The following DIAPH2 variants were observed in gnomAD, a reference collection of about 807,000 sequenced individuals.
DIAPH2 encodes the protein protein diaphanous homolog 2.
Under a neutral mutation model 92.7 loss-of-function variants are expected in DIAPH2, and 35 were observed. The ratio of observed to expected loss-of-function variants is 0.38; its 90% CI spans 0.29 to 0.50. DIAPH2 has a LOEUF of 0.50. Among genes scored for constraint, DIAPH2 ranks in the 20% least tolerant of loss-of-function variants. The pLI is 0.94. For synonymous variants in DIAPH2, 301 were observed against 280.4 expected (o/e 1.07, Z -0.73); for missense variants, 701 against 819.5 (o/e 0.86, Z 1.77).
intron 19 of DIAPH2, among the ~76,000 whole-genome samples, chrX:97,084,295 G>T (rs1035207951): frequency 9.0e-6 from 1 of 110,919 alleles, no homozygotes; most frequent in East Asian, 2.8e-4. Flanking sequence ...TTTATTGAAC[G>T]GATCAAATTA....
chrX:97,128,045 G>C (rs1157011072), intron 21 of DIAPH2, among the ~76,000 whole-genome samples: 2 of 110,959 alleles, frequency 1.8e-5, no homozygotes, highest in Admixed American at 9.6e-5. Context: ...GAGGGTTCTT[G>C]GATCTCGCAC....
intron 12 of DIAPH2, among the ~76,000 whole-genome samples, chrX:96,941,140 T>A (rs2147803396): frequency 8.9e-6 from 1 of 112,291 alleles, no homozygotes; most frequent in African/African-American, 3.2e-5. Context: ...AATTAGAGTC[T>A]ATTTGGCTTC....
At chrX:97,500,578 G>A (rs1326802180) in intron 26 of DIAPH2, among the ~76,000 whole-genome samples, 4 of 109,058 alleles carry the variant, frequency 3.7e-5, no homozygotes, top group Admixed American at 9.9e-5. Flanking sequence ...ATTTTACATA[G>A]CCTAAGAATG....
chrX:97,272,932 G>GA (rs2068402172), intron 23 of DIAPH2, among the ~76,000 whole-genome samples: 1 of 111,863 alleles, frequency 8.9e-6, no homozygotes, highest in Non-Finnish European at 1.9e-5. Flanking sequence ...GAGGCAGGCA[G>GA]ATCACCTAAG....
rs1342069455 is a variant in DIAPH2 at position 97,062,946 on chromosome X, A to T, written c.2051-9995A>T. Among the ~76,000 whole-genome samples, 5 of 104,959 alleles carry T rather than the reference A, an allele frequency of 4.8e-5. No homozygotes were observed. In the East Asian group the frequency reaches 1.6e-3, roughly 33 times the overall value. The allele number at this position is 104,959 out of a possible 115,157, so 91.1% of individuals were successfully genotyped here. On this transcript the variant is annotated intron_variant, in intron 17 of 26. Transcript: ENST00000324765. ...CTACTCGGGAGGCTGAGGCAGGAGAATGGCTTGAACCTGGGAGGCAGGGGT... is the reference window on the plus strand; with the variant it reads ...CTACTCGGGAGGCTGAGGCAGGAGATTGGCTTGAACCTGGGAGGCAGGGGT...
chrX:97,055,827 A>T (rs976596285), intron 17 of DIAPH2, among the ~76,000 whole-genome samples: 1 of 111,759 alleles, frequency 8.9e-6, no homozygotes, highest in Non-Finnish European at 1.9e-5. Context: ...TTCAAGAAAA[A>T]AACTATTAGT....
At chrX:97,307,504 C>A (rs1181234090) in intron 23 of DIAPH2, among the ~76,000 whole-genome samples, 1 of 111,743 alleles carries the variant, frequency 8.9e-6, no homozygotes, top group African/African-American at 3.3e-5. Context: ...TGTAAAAATT[C>A]TTTTTATTTT....
chrX:97,032,636 T>C (rs1026557468), intron 17 of DIAPH2, among the ~76,000 whole-genome samples: 1 of 110,878 alleles, frequency 9.0e-6, no homozygotes, highest in Admixed American at 9.6e-5. Context: ...TCTTTTTACA[T>C]CTATTACTGC....
At chrX:97,504,727 G>T (rs758945535) in intron 26 of DIAPH2, among the ~76,000 whole-genome samples, 1 of 112,439 alleles carries the variant, frequency 8.9e-6, no homozygotes, top group African/African-American at 3.2e-5. Context: ...TTCTGTGTCA[G>T]AAGTGATGCC....
intron 22 of DIAPH2, among the ~76,000 whole-genome samples, chrX:97,242,112 C>A (rs1023457705): frequency 1.8e-5 from 2 of 111,225 alleles, no homozygotes; most frequent in African/African-American, 3.3e-5. Flanking sequence ...TAAAAAAATT[C>A]TAGTGATATC....
chrX:97,583,971 A>G lies in DIAPH2; in HGVS notation c.3242-15282A>G, dbSNP rs368681449. On this transcript the variant is annotated intron_variant, in intron 26 of 26. Coordinates refer to ENST00000324765, the MANE Select transcript of DIAPH2 (RefSeq NM_006729.5). ...TCCGTCACCCCTTTCTTTGATTAGGAAAGGGAGCTCCCTGACCCCTTGGGC... is the reference window on the plus strand; with the variant it reads ...TCCGTCACCCCTTTCTTTGATTAGGGAAGGGAGCTCCCTGACCCCTTGGGC... 2.1e-4 allele frequency among the ~76,000 whole-genome samples: 24 copies of G among 112,591 alleles called. No homozygotes were observed. In the East Asian group the frequency reaches 5.9e-3, roughly 28 times the overall value.
intron 3 of DIAPH2, among the ~76,000 whole-genome samples, chrX:96,743,724 T>C (rs1028606874): frequency 1.8e-5 from 2 of 111,148 alleles, no homozygotes; most frequent in African/African-American, 3.3e-5. Context: ...GTTGAGGAGA[T>C]AGTGGTCAAA....
At chrX:96,688,842 A>G (rs2063784682) in intron 1 of DIAPH2, among the ~76,000 whole-genome samples, 1 of 111,510 alleles carries the variant, frequency 9.0e-6, no homozygotes, top group Non-Finnish European at 1.9e-5. Flanking sequence ...TCCCAGCTAC[A>G]CAGGCTGCTA....
chrX:97,360,473 AAT>A (rs2069314092), intron 24 of DIAPH2, among the ~76,000 whole-genome samples: 4 of 107,826 alleles, frequency 3.7e-5, no homozygotes, highest in African/African-American at 1.4e-4. Flanking sequence ...AAAAAAAAAA[AAT>A]TAGGTGGGCA....
chrX:96,823,085 A>C (rs1334898886), intron 4 of DIAPH2, among the ~76,000 whole-genome samples: 2 of 111,804 alleles, frequency 1.8e-5, no homozygotes, highest in African/African-American at 6.5e-5. Context: ...AAAGGATCTA[A>C]AATAATGATC....
In DIAPH2 at chrX:97,023,918, C is replaced by T. The variant is rs369213373; in HGVS notation, c.2051-49023C>T. Among the ~76,000 whole-genome samples the T allele has an allele frequency of 1.4e-4, 16 of 112,142 alleles. No individual in the cohort carries two copies. The East Asian group carries it at 4.5e-3, about 31-fold the overall frequency. On this transcript the variant is annotated intron_variant, in intron 17 of 26. Coordinates refer to ENST00000324765, the MANE Select transcript of DIAPH2 (RefSeq NM_006729.5). ...AACATAGCTAAAGATGACAAACCTGCTTCAATATTACCAAAGAAAATCAGA... is the reference window on the plus strand; with the variant it reads ...AACATAGCTAAAGATGACAAACCTGTTTCAATATTACCAAAGAAAATCAGA...
intron 5 of DIAPH2, among the ~76,000 whole-genome samples, chrX:96,894,558 A>G (rs894511783): frequency 9.0e-6 from 1 of 111,709 alleles, no homozygotes; most frequent in South Asian, 3.7e-4. Flanking sequence ...GGTTCGCATT[A>G]TGAGCATTTA....
At chrX:96,904,709 A>G (rs946399529) in intron 5 of DIAPH2, among the ~76,000 whole-genome samples, 2 of 111,399 alleles carry the variant, frequency 1.8e-5, no homozygotes, top group Admixed American at 9.5e-5. Context: ...TTTTAATCAC[A>G]TGGAACTCTT....
chrX:97,016,823 C>T (rs769654471), intron 17 of DIAPH2, among the ~76,000 whole-genome samples: 28 of 112,536 alleles, frequency 2.5e-4, no homozygotes, highest in Non-Finnish European at 5.1e-4. Context: ...TCATTATGCC[C>T]ATCTACTTTG....
Sources: gnomAD v4.1 joint callset for allele counts (sites outside exome capture counted in the v4.1 genomes callset) on GRCh38, gnomAD v4.1.1 for gene constraint, MANE v1.5 for transcripts, NCBI Gene and HGNC (gene_info 2026-07-23, HGNC 2026-07-21) for gene names.